MEGF10: variants seen among roughly 807,000 people sequenced by gnomAD.
The protein encoded by MEGF10 is multiple EGF like domains 10.
In MEGF10, 86 loss-of-function variants were observed where a neutral mutation model predicts 147.5. The ratio of observed to expected loss-of-function variants is 0.58; its 90% CI spans 0.49 to 0.70. The LOEUF is 0.70. Ranked by LOEUF, MEGF10 falls within the 30% of genes least tolerant of loss-of-function variation. The probability of loss-of-function intolerance (pLI) is 0.00; values close to 1 mark genes in which losing one functional copy is unlikely to be tolerated. For synonymous variants in MEGF10, 478 were observed against 525.5 expected (o/e 0.91, Z 1.24); for missense variants, 1,329 against 1,487.3 (o/e 0.89, Z 1.75).
intron 7 of MEGF10, among the ~76,000 whole-genome samples, chr5:127,401,806 A>G (rs957021890): frequency 6.6e-6 from 1 of 152,186 alleles, no homozygotes; most frequent in Non-Finnish European, 1.5e-5. Context: ...GAGTAAATAT[A>G]ATGACTGTGC....
intron 1 of MEGF10, among the ~76,000 whole-genome samples, chr5:127,329,924 GCGCAGGT>G: frequency 6.6e-6 from 1 of 152,304 alleles, no homozygotes; most frequent in East Asian, 1.9e-4. Flanking sequence ...CCCGGGCCTG[GCGCAGGT>G]CCTAGCATAT....
chr5:127,358,595 G>A (rs960594936), intron 4 of MEGF10, among the ~76,000 whole-genome samples: 3 of 152,170 alleles, frequency 2.0e-5, no homozygotes, highest in East Asian at 3.8e-4. Context: ...GCATAGAAGC[G>A]TCATGCTTTC....
intron 13 of MEGF10, among the ~76,000 whole-genome samples, chr5:127,430,235 A>C (rs1449791370): frequency 2.0e-5 from 3 of 152,168 alleles, no homozygotes; most frequent in African/African-American, 7.2e-5. Context: ...AGATCCCTTG[A>C]ATGTTTGCTG....
At chr5:127,343,000 G>A (rs1041569938) in intron 4 of MEGF10, among the ~76,000 whole-genome samples, 1 of 151,546 alleles carries the variant, frequency 6.6e-6, no homozygotes, top group African/African-American at 2.4e-5. Context: ...CAATTGTTAC[G>A]CTTCTTTGTT....
chr5:127,405,847 C>A (rs1406097755), intron 8 of MEGF10, among the ~76,000 whole-genome samples: 1 of 151,552 alleles, frequency 6.6e-6, no homozygotes, highest in Non-Finnish European at 1.5e-5. Context: ...TTTTCTTTTG[C>A]TAATATAATT....
At chr5:127,420,734 A>G (rs542438238) in intron 12 of MEGF10, among the ~76,000 whole-genome samples, 6 of 152,052 alleles carry the variant, frequency 3.9e-5, no homozygotes, top group Non-Finnish European at 8.8e-5. Flanking sequence ...TATTCCCTTG[A>G]CCTACTTTGG....
At chr5:127,402,835 A>G (rs544085691) in intron 8 of MEGF10, among the ~76,000 whole-genome samples, 153 bp downstream of exon 8, 52 of 152,344 alleles carry the variant, frequency 3.4e-4, no homozygotes, top group Admixed American at 3.4e-3. Context: ...GACAGATTCT[A>G]TCTTAATTCA....
intron 9 of MEGF10, among the ~76,000 whole-genome samples, chr5:127,413,205 A>T (rs963483926): frequency 1.2e-4 from 19 of 152,224 alleles, no homozygotes; most frequent in African/African-American, 4.1e-4. Flanking sequence ...AAACTTTAGC[A>T]GTATTATTGA....
At chr5:127,401,212 C>T (rs1438480092) in intron 7 of MEGF10, among the ~76,000 whole-genome samples, 1 of 152,170 alleles carries the variant, frequency 6.6e-6, no homozygotes, top group East Asian at 1.9e-4. Context: ...TATACCATGT[C>T]AGGCTAGAAT....
the MEGF10 span, among the ~76,000 whole-genome samples, chr5:127,274,317 T>C: frequency 1.3e-5 from 2 of 152,192 alleles, no homozygotes; most frequent in African/African-American, 4.8e-5. Context: ...AATTTTTGTT[T>C]CAATGAAGAA....
At chr5:127,259,286 T>A in the MEGF10 span, among the ~76,000 whole-genome samples, 4 of 152,204 alleles carry the variant, frequency 2.6e-5, no homozygotes, top group African/African-American at 9.7e-5. Context: ...AGGGCTATGA[T>A]CTTCTCAGTC....
chr5:127,253,802 G>A, the MEGF10 span, among the ~76,000 whole-genome samples: 1 of 151,960 alleles, frequency 6.6e-6, no homozygotes, highest in Non-Finnish European at 1.5e-5. Context: ...TAGAAAAGAA[G>A]TCTCAACCAT....
chr5:127,340,678 C>A, intron 4 of MEGF10, 48 bp downstream of exon 4: 1 of 1,510,490 alleles, frequency 6.6e-7, no homozygotes, highest in Non-Finnish European at 9.2e-7. Flanking sequence ...TTTCCCAGTG[C>A]TGGTTTGCTT....
intron 2 of MEGF10, among the ~76,000 whole-genome samples, chr5:127,334,559 C>A (rs1424899078): frequency 6.6e-6 from 1 of 151,972 alleles, no homozygotes; most frequent in Non-Finnish European, 1.5e-5. Context: ...GATTGTGATT[C>A]TAAGAAATTG....
intron 19 of MEGF10, among the ~76,000 whole-genome samples, chr5:127,443,869 G>A (rs1464467837): frequency 6.6e-6 from 1 of 152,146 alleles, no homozygotes; most frequent in Non-Finnish European, 1.5e-5. Flanking sequence ...CCAGTTTGGG[G>A]CTATTACAGA....
the MEGF10 span, among the ~76,000 whole-genome samples, chr5:127,235,252 A>C: frequency 6.6e-6 from 1 of 152,016 alleles, no homozygotes; most frequent in South Asian, 2.1e-4. Flanking sequence ...CTTAAATTCA[A>C]ATACCCAAGG....
At chr5:127,379,594 CTTTTT>C (rs36030791) in intron 5 of MEGF10, among the ~76,000 whole-genome samples, 10 of 90,380 alleles carry the variant, frequency 1.1e-4, no homozygotes, top group Non-Finnish European at 2.1e-4. Context: ...TGGCCAGCTT[CTTTTT>C]TTTTTTTTTT....
intron 22 of MEGF10, among the ~76,000 whole-genome samples, chr5:127,449,487 C>G (rs962907504): frequency 6.6e-6 from 1 of 152,164 alleles, no homozygotes; most frequent in Non-Finnish European, 1.5e-5. Context: ...TACATTCTTG[C>G]TCTATGCCTG....
intron 1 of MEGF10, among the ~76,000 whole-genome samples, chr5:127,306,676 G>A (rs1760027251): frequency 6.6e-6 from 1 of 152,218 alleles, no homozygotes; most frequent in Non-Finnish European, 1.5e-5. Context: ...GAAGATGCTC[G>A]CGGGTGGTTA....
Sources: allele counts gnomAD v4.1 joint callset (sites outside exome capture counted in the v4.1 genomes callset), GRCh38; gene constraint gnomAD v4.1.1; transcripts MANE v1.5; gene names NCBI Gene and HGNC (gene_info 2026-07-23, HGNC 2026-07-21).